Variants in TTC29 observed in about 807,000 individuals in gnomAD.
The protein encoded by TTC29 is tetratricopeptide repeat protein 29.
Under a neutral mutation model 58.1 loss-of-function variants are expected in TTC29, and 49 were observed. The ratio of observed to expected loss-of-function variants is 0.84; its 90% confidence interval spans 0.67 to 1.07. TTC29 has a LOEUF of 1.07. Among genes scored for constraint, TTC29 ranks in the 50% least tolerant of loss-of-function variants. The pLI is 0.00. For missense variants in TTC29, 582 were observed against 555.6 expected (o/e 1.05, Z -0.48); for synonymous variants, 209 against 196.8 (o/e 1.06, Z -0.52).
chr4:146,932,691 T>C (rs187832755), intron 4 of TTC29, among the ~76,000 whole-genome samples: 8 of 152,268 alleles, frequency 5.3e-5, no homozygotes, highest in African/African-American at 1.9e-4. Flanking sequence ...AAATGTGGAC[T>C]GGCAAAACAC....
chr4:146,906,529 C>T (rs1302559865), intron 5 of TTC29, among the ~76,000 whole-genome samples: 2 of 152,162 alleles, frequency 1.3e-5, no homozygotes, highest in African/African-American at 2.4e-5. Context: ...TCTAGGCTTA[C>T]ATACACATTT....
At chr4:146,845,733 C>T (rs1010359940) in intron 8 of TTC29, among the ~76,000 whole-genome samples, 1 of 152,148 alleles carries the variant, frequency 6.6e-6, no homozygotes, top group African/African-American at 2.4e-5. Flanking sequence ...CTCTCTGCCT[C>T]CAGGCCCTTG....
At chr4:146,755,535 A>G (rs187529116) in intron 11 of TTC29, among the ~76,000 whole-genome samples, 15 of 152,300 alleles carry the variant, frequency 9.8e-5, no homozygotes, top group Admixed American at 9.8e-4. Context: ...TTAGAGATCT[A>G]ATGTACCACA....
At chr4:146,868,423 C>T (rs1730709036) in intron 7 of TTC29, among the ~76,000 whole-genome samples, 1 of 152,078 alleles carries the variant, frequency 6.6e-6, no homozygotes, top group South Asian at 2.1e-4. Context: ...TAACTGACAG[C>T]TTAATTTCCT....
At chr4:146,715,108 GATGACAGGC>G (rs529523081) in intron 11 of TTC29, among the ~76,000 whole-genome samples, 47 of 152,192 alleles carry the variant, frequency 3.1e-4, no homozygotes, top group Non-Finnish European at 6.0e-4. Flanking sequence ...AAAGTGTTGG[GATGACAGGC>G]ATGAGCTAAC....
At chr4:146,944,271 T>G (rs1009222004) in intron 2 of TTC29, 4 of 152,224 alleles carry the variant, frequency 2.6e-5, no homozygotes, top group Non-Finnish European at 5.9e-5. Flanking sequence ...ACTGTTGGTA[T>G]TCAGAAGAAA....
intron 11 of TTC29, among the ~76,000 whole-genome samples, chr4:146,780,913 G>T (rs1377455633): frequency 2.0e-5 from 3 of 151,968 alleles, no homozygotes; most frequent in African/African-American, 7.2e-5. Context: ...GGACCTGCAT[G>T]AGTCTCACAA....
At chr4:146,722,527 C>G (rs114258053) in intron 11 of TTC29, among the ~76,000 whole-genome samples, 1 of 152,066 alleles carries the variant, frequency 6.6e-6, no homozygotes, top group East Asian at 1.9e-4. Flanking sequence ...TGCACACCTA[C>G]GGCCACCTGA....
rs192000389 is a variant in TTC29 at position 146,918,603 on chromosome 4, G to A, written c.177-9354C>T. Among the ~76,000 whole-genome samples the A allele has an allele frequency of 3.4e-3, 518 of 151,186 alleles. 6 individuals carry two copies. The South Asian group carries it at 0.05, about 15-fold the overall frequency. On this transcript the variant is annotated intron_variant, in intron 4 of 12. Coordinates refer to ENST00000325106, the MANE Select transcript of TTC29 (RefSeq NM_031956.4). Reference sequence around the variant, plus strand: ...TGATGATTATTAACAAATATCAGAGGAAAGCATGCTTATTTAGCAAATAGT... The same window carrying A: ...TGATGATTATTAACAAATATCAGAGAAAAGCATGCTTATTTAGCAAATAGT...
At chr4:146,815,697 G>A (rs1166872172) in intron 10 of TTC29, among the ~76,000 whole-genome samples, 2 of 152,050 alleles carry the variant, frequency 1.3e-5, no homozygotes, top group African/African-American at 4.8e-5. Flanking sequence ...AAAATTTAGA[G>A]AAAAAAACAA....
At chr4:146,866,265 C>G (rs1453619789) in intron 8 of TTC29, among the ~76,000 whole-genome samples, 1 of 152,088 alleles carries the variant, frequency 6.6e-6, no homozygotes, top group Non-Finnish European at 1.5e-5. Flanking sequence ...CCAATTTGAC[C>G]TACAACTGAA....
At chr4:146,904,863 G>C (rs1733416282) in intron 5 of TTC29, among the ~76,000 whole-genome samples, 1 of 152,062 alleles carries the variant, frequency 6.6e-6, no homozygotes, top group African/African-American at 2.4e-5. Flanking sequence ...TTACAACAAA[G>C]GGTCATTCTG....
rs573881909 is a variant in TTC29 at position 146,904,257 on chromosome 4, A to AC, written c.401-529dup. 7.2e-5 allele frequency among the ~76,000 whole-genome samples: 11 copies of AC among 152,272 alleles called. 1 individual carries two copies. The South Asian group carries it at 2.1e-3, about 29-fold the overall frequency. ...GATACAACAAATGATGATCAGAATG[A>AC]CCCTATAAGCTCCATATGCTTTCAA... On this transcript the variant is annotated intron_variant, in intron 5 of 12. Coordinates refer to ENST00000325106, the MANE Select transcript of TTC29 (RefSeq NM_031956.4).
intron 4 of TTC29, among the ~76,000 whole-genome samples, chr4:146,913,070 A>AGAAGGCAAACT (rs1733996388): frequency 1.3e-5 from 2 of 152,056 alleles, no homozygotes; most frequent in African/African-American, 4.8e-5. Flanking sequence ...TCCACGTGTT[A>AGAAGGCAAACT]CCCTAGAAGG....
chr4:146,912,281 A>C (rs964834131), intron 4 of TTC29, among the ~76,000 whole-genome samples: 1 of 152,188 alleles, frequency 6.6e-6, no homozygotes, highest in Non-Finnish European at 1.5e-5. Context: ...TTACCAGATA[A>C]AATGTAGGAT....
intron 8 of TTC29, among the ~76,000 whole-genome samples, chr4:146,847,579 C>T (rs1042392870): frequency 6.6e-6 from 1 of 152,132 alleles, no homozygotes; most frequent in Non-Finnish European, 1.5e-5. Context: ...GACTATGCGG[C>T]TCTTCATCTT....
chr4:146,751,700 C>A (rs1356277823), intron 11 of TTC29, among the ~76,000 whole-genome samples: 1 of 151,964 alleles, frequency 6.6e-6, no homozygotes, highest in Admixed American at 6.6e-5. Context: ...ACACCAAAAA[C>A]CGTTCTAAGA....
intron 4 of TTC29, among the ~76,000 whole-genome samples, chr4:146,923,337 A>T (rs1348215451): frequency 6.6e-6 from 1 of 151,848 alleles, no homozygotes; most frequent in East Asian, 1.9e-4. Context: ...ACGCGCGTGC[A>T]CACTAACACA....
intron 6 of TTC29, among the ~76,000 whole-genome samples, chr4:146,884,146 A>T (rs1410532717): frequency 6.6e-6 from 1 of 152,140 alleles, no homozygotes; most frequent in Non-Finnish European, 1.5e-5. Context: ...ATAAACTGAC[A>T]TGCCCCAAAA....
Sources: allele counts gnomAD v4.1 joint callset (sites outside exome capture counted in the v4.1 genomes callset), GRCh38; gene constraint gnomAD v4.1.1; transcripts MANE v1.5; gene names NCBI Gene and HGNC (gene_info 2026-07-23, HGNC 2026-07-21).